SYT1: variants seen among roughly 807,000 people sequenced by gnomAD.
The protein encoded by SYT1 is synaptotagmin-1.
Under a neutral mutation model 44.8 loss-of-function variants are expected in SYT1, and 8 were observed. The ratio of observed to expected loss-of-function variants is 0.18; its 90% CI spans 0.10 to 0.32. The LOEUF (loss-of-function observed/expected upper bound fraction) is 0.32, where lower values mean the gene tolerates loss of function less well. SYT1 is among the 10% of genes least tolerant of loss of function. The probability of loss-of-function intolerance (pLI) is 1.00; values close to 1 mark genes in which losing one functional copy is unlikely to be tolerated. For synonymous variants in SYT1, 154 were observed against 188.8 expected, an observed-to-expected ratio of 0.82 and a Z score of 1.51; for missense variants, 286 against 509.3, an observed-to-expected ratio of 0.56 and a Z score of 4.22.
chr12:79,315,144 T>A (rs1055137677), intron 8 of SYT1, among the ~76,000 whole-genome samples: 6 of 152,212 alleles, frequency 3.9e-5, no homozygotes, highest in African/African-American at 1.4e-4. Context: ...GGTATGTGAA[T>A]AAATACCATT....
chr12:79,434,437 A>G (rs1367472432), intron 9 of SYT1, among the ~76,000 whole-genome samples: 1 of 152,186 alleles, frequency 6.6e-6, no homozygotes, highest in Non-Finnish European at 1.5e-5. Flanking sequence ...AGTACTTGTA[A>G]ATTATTTATA....
intron 9 of SYT1, among the ~76,000 whole-genome samples, chr12:79,364,519 T>C (rs1264206433): frequency 6.6e-6 from 1 of 152,136 alleles, no homozygotes; most frequent in Non-Finnish European, 1.5e-5. Context: ...AAATTACTAA[T>C]GGCCTAAATT....
At chr12:79,040,766 T>G (rs1279132755) in intron 2 of SYT1, among the ~76,000 whole-genome samples, 3 of 152,250 alleles carry the variant, frequency 2.0e-5, no homozygotes, top group Admixed American at 6.5e-5. Context: ...GGTCTAACGT[T>G]TAAGTCTTTA....
chr12:79,287,551 A>G (rs1341586794), intron 5 of SYT1, among the ~76,000 whole-genome samples: 1 of 150,596 alleles, frequency 6.6e-6, no homozygotes, highest in East Asian at 1.9e-4. Context: ...TGAAAACAAT[A>G]ATTTGACAAT....
chr12:79,376,903 A>G (rs1884016338), intron 9 of SYT1, among the ~76,000 whole-genome samples: 1 of 152,224 alleles, frequency 6.6e-6, no homozygotes, highest in Non-Finnish European at 1.5e-5. Context: ...TTGTAAATAT[A>G]TGACTTATCT....
chr12:79,310,429 A>G (rs915349609), intron 8 of SYT1, among the ~76,000 whole-genome samples: 3 of 152,108 alleles, frequency 2.0e-5, no homozygotes, highest in Admixed American at 6.5e-5. Context: ...GCCTTGTAGT[A>G]TAGTTTGAAG....
At chr12:79,113,319 T>C (rs1392645739) in intron 3 of SYT1, among the ~76,000 whole-genome samples, 1 of 152,142 alleles carries the variant, frequency 6.6e-6, no homozygotes, top group Non-Finnish European at 1.5e-5. Context: ...GAAAGTATTT[T>C]CCTTGATGCT....
chr12:79,152,227 A>G (rs574633395), intron 3 of SYT1, among the ~76,000 whole-genome samples: 2 of 152,296 alleles, frequency 1.3e-5, no homozygotes, highest in African/African-American at 4.8e-5. Context: ...CCAGACTTCA[A>G]TGGGTCAAAA....
chr12:79,307,957 G>A (rs1185452705), intron 8 of SYT1, among the ~76,000 whole-genome samples: 2 of 152,178 alleles, frequency 1.3e-5, no homozygotes, highest in Non-Finnish European at 2.9e-5. Context: ...AGAAGGAGAA[G>A]GCCTCGAAGA....
chr12:79,202,223 A>G (rs1178149450), intron 3 of SYT1, among the ~76,000 whole-genome samples: 1 of 152,194 alleles, frequency 6.6e-6, no homozygotes, highest in Non-Finnish European at 1.5e-5. Context: ...TGGCAATGGC[A>G]TTAAGTCCAG....
At chr12:78,941,719 C>T (rs1878386490) in intron 1 of SYT1, among the ~76,000 whole-genome samples, 1 of 152,170 alleles carries the variant, frequency 6.6e-6, no homozygotes, top group African/African-American at 2.4e-5. Context: ...TTTCTATATT[C>T]TCTGATCCAC....
intron 4 of SYT1, among the ~76,000 whole-genome samples, chr12:79,270,359 C>T (rs568909481): frequency 1.3e-5 from 2 of 152,190 alleles, no homozygotes; most frequent in South Asian, 4.2e-4. Flanking sequence ...AGTGGTGAAG[C>T]ATTCATAAGA....
At chr12:79,017,526 G>A (rs1380872932) in intron 2 of SYT1, among the ~76,000 whole-genome samples, 4 of 152,074 alleles carry the variant, frequency 2.6e-5, no homozygotes, top group African/African-American at 7.2e-5. Context: ...CCAACAAACT[G>A]ATAGATGAGG....
chr12:79,127,997 C>T (rs1868550654), intron 3 of SYT1, among the ~76,000 whole-genome samples: 1 of 152,054 alleles, frequency 6.6e-6, no homozygotes. Context: ...AAAACAGAAA[C>T]AGTCATAATA....
intron 1 of SYT1, among the ~76,000 whole-genome samples, chr12:78,878,984 C>T (rs575027387): frequency 6.6e-6 from 1 of 151,786 alleles, no homozygotes; most frequent in Admixed American, 6.6e-5. Flanking sequence ...ATTATCTACT[C>T]TCACCCTGTA....
intron 1 of SYT1, among the ~76,000 whole-genome samples, chr12:78,883,967 G>A (rs1002652605): frequency 2.6e-5 from 4 of 151,228 alleles, no homozygotes; most frequent in Non-Finnish European, 5.9e-5. Context: ...ATTTTAGCTT[G>A]TTTTTTAAAT....
intron 4 of SYT1, among the ~76,000 whole-genome samples, chr12:79,268,672 GGAACACAAA>G (rs1878259552): frequency 6.6e-6 from 1 of 152,068 alleles, no homozygotes; most frequent in African/African-American, 2.4e-5. Context: ...CTCTTTGTCA[GGAACACAAA>G]TTGAAAAGAG....
At chr12:79,370,962 CA>C (rs1226400953) in intron 9 of SYT1, among the ~76,000 whole-genome samples, 2 of 151,956 alleles carry the variant, frequency 1.3e-5, no homozygotes, top group African/African-American at 4.8e-5. Flanking sequence ...CTATTAAAGA[CA>C]AATGTATCCT....
intron 1 of SYT1, among the ~76,000 whole-genome samples, chr12:78,948,487 C>T (rs1166150838): frequency 2.6e-5 from 4 of 151,842 alleles, no homozygotes; most frequent in East Asian, 1.9e-4. Flanking sequence ...AGATATAATA[C>T]ACTCTAATTG....
Sources: allele counts gnomAD v4.1 joint callset (sites outside exome capture counted in the v4.1 genomes callset), GRCh38; gene constraint gnomAD v4.1.1; transcripts MANE v1.5; gene names NCBI Gene and HGNC (gene_info 2026-07-23, HGNC 2026-07-21).